The following DMD variants were observed in gnomAD, a reference collection of about 807,000 sequenced individuals.
The protein encoded by DMD is dystrophin, also known as mutant dystrophin.
In DMD, 63 loss-of-function variants were observed where a neutral mutation model predicts 330.1. The ratio of observed to expected loss-of-function variants is 0.19; its 90% confidence interval spans 0.16 to 0.24. The LOEUF (loss-of-function observed/expected upper bound fraction) is 0.24, where lower values mean the gene tolerates loss of function less well. Ranked by LOEUF, DMD falls within the 10% of genes least tolerant of loss-of-function variation. The probability of loss-of-function intolerance (pLI) is 1.00; values close to 1 mark genes in which losing one functional copy is unlikely to be tolerated. For synonymous variants in DMD, 1,223 were observed against 959.8 expected (o/e 1.27, Z -5.07); for missense variants, 3,344 against 2,684.1 (o/e 1.25, Z -5.43).
chrX:31,335,026 C>A (rs2057345363), intron 61 of DMD, among the ~76,000 whole-genome samples: 1 of 112,128 alleles, frequency 8.9e-6, no homozygotes, highest in South Asian at 3.7e-4. Flanking sequence ...CTAAAAGGGT[C>A]CCCTTCTCCC....
chrX:33,063,070 T>G (rs760638616), intron 1 of DMD, among the ~76,000 whole-genome samples: 1 of 112,201 alleles, frequency 8.9e-6, no homozygotes, highest in Admixed American at 9.5e-5. Flanking sequence ...ATAGAATATA[T>G]ACTGTTATAA....
intron 5 of DMD, among the ~76,000 whole-genome samples, chrX:32,818,265 G>A (rs1004104549): frequency 2.7e-5 from 3 of 111,543 alleles, no homozygotes; most frequent in African/African-American, 9.8e-5. Flanking sequence ...TAACGTTAAA[G>A]GACAACAAAG....
intron 29 of DMD, among the ~76,000 whole-genome samples, chrX:32,413,106 T>C (rs1045989875): frequency 9.0e-6 from 1 of 110,828 alleles, no homozygotes. Flanking sequence ...TCCTTTCTTC[T>C]CATTCTACCC....
intron 44 of DMD, among the ~76,000 whole-genome samples, chrX:31,991,501 G>A (rs1569528475): frequency 9.0e-6 from 1 of 110,848 alleles, no homozygotes; most frequent in East Asian, 2.9e-4. Flanking sequence ...ACTTTGGAGG[G>A]GAGAGCAGGG....
At chrX:31,740,473 T>C (rs901820567) in intron 51 of DMD, among the ~76,000 whole-genome samples, 1 of 112,091 alleles carries the variant, frequency 8.9e-6, no homozygotes, top group African/African-American at 3.2e-5. Context: ...CCTTGGAATA[T>C]TGTGTGTTTG....
upstream of DMD, among the ~76,000 whole-genome samples, chrX:33,216,489 C>T (rs935668007): frequency 1.8e-5 from 2 of 111,133 alleles, no homozygotes; most frequent in Non-Finnish European, 3.8e-5. Context: ...AAACTACCTA[C>T]TGGGTACAAT....
chrX:31,432,831 GCAATGAAACATAT>G (rs748274915), intron 60 of DMD, among the ~76,000 whole-genome samples: 1 of 112,223 alleles, frequency 8.9e-6, no homozygotes, highest in East Asian at 2.8e-4. Flanking sequence ...TATTTTAAAA[GCAATGAAACATAT>G]CAGTAGATTC....
At position 33,009,657 on chromosome X, in the gene DMD, C is replaced by CGTATAT. The variant is rs2093589242; in HGVS notation, c.93+10481_93+10482insATATAC. 2.1e-3 allele frequency among the ~76,000 whole-genome samples: 51 copies of CGTATAT among 24,509 alleles called. 25 individuals are homozygous for CGTATAT. The highest frequency in any genetic ancestry group is 0.018 in the East Asian group (8 of 455). The allele number at this position is 24,509 out of a possible 115,157, so 21.3% of individuals were successfully genotyped here. A position where few individuals can be genotyped will look rare whatever the true frequency, so the allele number is the denominator to read the frequency against. ...GTGTATATACACATATGTGTGTATACGTGTATATGTGTATACGTATATGTG... is the reference window on the plus strand; with the variant it reads ...GTGTATATACACATATGTGTGTATACGTATATGTGTATATGTGTATACGTATATGTG... On this transcript the variant is annotated intron_variant, in intron 2 of 78. Transcript: ENST00000357033.
intron 53 of DMD, among the ~76,000 whole-genome samples, chrX:31,669,155 T>C (rs1346194991): frequency 1.8e-5 from 2 of 112,099 alleles, no homozygotes; most frequent in African/African-American, 6.5e-5. Context: ...CTATGGTAAT[T>C]CTGTTTTCAG....
In DMD at chrX:32,555,687, C is replaced by A. The variant is rs967632184; in HGVS notation, c.1992+10015G>T. Among the ~76,000 whole-genome samples the A allele has an allele frequency of 8.1e-5, 9 of 111,358 alleles. No homozygotes were observed. The South Asian group carries it at 3.0e-3, about 37-fold the overall frequency. On this transcript the variant is annotated intron_variant, in intron 16 of 78. Transcript: ENST00000357033. ...AGAAATAAGACCACGCACCTACAAC[C>A]ATCTGATCTTCGACAAACCTGAAAA...
chrX:32,010,220 C>T (rs1475719549), intron 44 of DMD, among the ~76,000 whole-genome samples: 2 of 111,726 alleles, frequency 1.8e-5, no homozygotes, highest in African/African-American at 3.3e-5. Flanking sequence ...CATGAATGTA[C>T]ATATATTTAA....
intron 7 of DMD, among the ~76,000 whole-genome samples, chrX:32,727,457 T>A (rs959457270): frequency 6.3e-5 from 7 of 111,004 alleles, no homozygotes; most frequent in Non-Finnish European, 1.3e-4. Context: ...CTAAATTCAT[T>A]TACTAGAGTC....
chrX:32,640,438 G>T (rs2059377964), intron 11 of DMD, among the ~76,000 whole-genome samples: 1 of 110,087 alleles, frequency 9.1e-6, no homozygotes, highest in African/African-American at 3.3e-5. Flanking sequence ...AGGATTTTAT[G>T]TAAGGCAGAA....
In DMD at chrX:32,639,726, T is replaced by C. The variant is rs184213132; in HGVS notation, c.1331+4406A>G. 4.3e-3 allele frequency among the ~76,000 whole-genome samples: 483 copies of C among 112,020 alleles called. 6 individuals carry two copies. The highest frequency in any genetic ancestry group is 0.015 in the African/African-American group (458 of 30,883). ...GAGGAAGTATCTGTATGGTTATCTTTCCTGACATTCCTTTGTAAGCATATT... is the reference window on the plus strand; with the variant it reads ...GAGGAAGTATCTGTATGGTTATCTTCCCTGACATTCCTTTGTAAGCATATT... On this transcript the variant is annotated intron_variant, in intron 11 of 78. Coordinates refer to ENST00000357033, the MANE Select transcript of DMD (RefSeq NM_004006.3).
intron 44 of DMD, among the ~76,000 whole-genome samples, chrX:32,106,519 T>C (rs1603625697): frequency 8.9e-6 from 1 of 111,981 alleles, no homozygotes; most frequent in Non-Finnish European, 1.9e-5. Context: ...CTTCAGTTTC[T>C]TCATCTGAAG....
At chrX:31,911,514 T>G (rs2149872093) in intron 47 of DMD, among the ~76,000 whole-genome samples, 1 of 108,835 alleles carries the variant, frequency 9.2e-6, no homozygotes, top group African/African-American at 3.4e-5. Flanking sequence ...TTTTTTTTTT[T>G]GCTAATGACT....
intron 44 of DMD, among the ~76,000 whole-genome samples, chrX:32,184,253 C>T (rs1342949111): frequency 9.2e-6 from 1 of 109,200 alleles, no homozygotes; most frequent in East Asian, 2.9e-4. Flanking sequence ...GTGCAATTGA[C>T]CAAAACAATA....
At chrX:32,716,544 A>T (rs777506510) in intron 7 of DMD, among the ~76,000 whole-genome samples, 2 of 111,638 alleles carry the variant, frequency 1.8e-5, no homozygotes, top group South Asian at 7.6e-4. Flanking sequence ...AATGCGAGAA[A>T]GGACTAATAC....
chrX:33,127,089 C>T (rs1273097260), intron 1 of DMD, among the ~76,000 whole-genome samples: 1 of 110,481 alleles, frequency 9.1e-6, no homozygotes, highest in Non-Finnish European at 1.9e-5. Context: ...TCCAAATAGA[C>T]TTTTAACTTT....
Sources: allele counts gnomAD v4.1 joint callset (sites outside exome capture counted in the v4.1 genomes callset), GRCh38; gene constraint gnomAD v4.1.1; transcripts MANE v1.5; gene names NCBI Gene and HGNC (gene_info 2026-07-23, HGNC 2026-07-21).